The following CDH23 variants were observed in gnomAD, a reference collection of about 807,000 sequenced individuals.
CDH23 encodes cadherin related 23, also known as cadherin-23.
A neutral mutation model predicts 317.1 loss-of-function variants in CDH23; 189 were observed. That is an observed-to-expected ratio of 0.60 (90% CI 0.53 to 0.67). The LOEUF (loss-of-function observed/expected upper bound fraction) is 0.67, where lower values mean the gene tolerates loss of function less well. CDH23 is among the 30% of genes least tolerant of loss of function. The probability of loss-of-function intolerance (pLI) is 0.00; values close to 1 mark genes in which losing one functional copy is unlikely to be tolerated. For missense variants in CDH23, 4,401 were observed against 4,592.4 expected (o/e 0.96, Z 1.20); for synonymous variants, 1,839 against 1,876.8 (o/e 0.98, Z 0.52).
chr10:71,427,195 G>GAGAAAGAAAAAA (rs1554823331), intron 1 of CDH23, among the ~76,000 whole-genome samples: 1 of 98,948 alleles, frequency 1.0e-5, no homozygotes, highest in African/African-American at 4.0e-5. Context: ...AGGAAGGAAA[G>GAGAAAGAAAAAA]AGAAAGAAAG....
chr10:71,804,772 C>A (rs1401312695), intron 55 of CDH23, among the ~76,000 whole-genome samples: 1 of 152,140 alleles, frequency 6.6e-6, no homozygotes, highest in Non-Finnish European at 1.5e-5. Context: ...ATCTTCCTGA[C>A]CAATTTTTTT....
Position 71,751,152 on chromosome 10 carries a change from G to C in CDH23, c.4845+9231G>C. On this transcript the variant is annotated intron_variant, in intron 38 of 69. Coordinates refer to ENST00000224721, the MANE Select transcript of CDH23 (RefSeq NM_022124.6). The surrounding 1 kb of genome is among the most constrained non-coding windows in gnomAD (Gnocchi z 4.9). ...ATCTGAGCCCAGAGCAGGAGGGAGGGAACCAGGGCCGAGGCCAAGGAGGCC... is the reference window on the plus strand; with the variant it reads ...ATCTGAGCCCAGAGCAGGAGGGAGGCAACCAGGGCCGAGGCCAAGGAGGCC... 1 of 1,379,178 alleles carries C rather than the reference G, an allele frequency of 7.3e-7. No individual in the cohort carries two copies. The highest frequency in any genetic ancestry group is 2.0e-4 in the Middle Eastern group (1 of 5,082). The allele number at this position is 1,379,178 out of a possible 1,614,324, so 85.4% of individuals were successfully genotyped here.
chr10:71,694,099 C>A, intron 20 of CDH23, 48 bp from the exon 21 acceptor site: 2 of 1,409,746 alleles, frequency 1.4e-6, no homozygotes, highest in Non-Finnish European at 2.0e-6. Context: ...CTCCCTCTCT[C>A]CCTGGCCCAC....
chr10:71,411,478 TA>T (rs1323054108), intron 1 of CDH23, among the ~76,000 whole-genome samples: 2 of 152,158 alleles, frequency 1.3e-5, no homozygotes, highest in Non-Finnish European at 2.9e-5. Context: ...CAACCATTGT[TA>T]AATTTACTTA....
At chr10:71,650,302 C>A (rs189935425) in intron 14 of CDH23, among the ~76,000 whole-genome samples, 1 of 152,340 alleles carries the variant, frequency 6.6e-6, no homozygotes, top group East Asian at 1.9e-4. Flanking sequence ...AATACCAAGG[C>A]AGCCCAGAGC....
chr10:71,669,632 G>C (rs1267981203), intron 14 of CDH23, among the ~76,000 whole-genome samples: 2 of 152,098 alleles, frequency 1.3e-5, no homozygotes, highest in Non-Finnish European at 2.9e-5. Context: ...ATTTTTAATA[G>C]AGACTGGGTT....
At position 71,705,043 on chromosome 10, in the gene CDH23, G is replaced by C; in HGVS notation, c.2866G>C (p.Glu956Gln). 6.2e-7 allele frequency: 1 copy of C among 1,612,676 alleles called. No individual in the cohort carries two copies. Among genetic ancestry groups the C allele is most frequent in the South Asian group, 1.1e-5 (1 of 91,070 alleles). ...VVVTTTELDR[E>Q]RIAEYQLRVV... The stretch of plus-strand genomic sequence containing the variant: ...GGTCACCACCACCGAGCTGGACCGC[G>C]AGCGCATCGCGGAGTACCAGCTGCG... Residue 956 changes from glutamate to glutamine, a missense_variant, in exon 25 of 70, where the codon GAG becomes CAG. By Grantham distance (29) the Glu-to-Gln change is conservative. This residue lies in a region of CDH23 where 3,068 missense variants were observed against 3,203.3 expected (regional missense o/e 0.96). Transcript: ENST00000224721.
chr10:71,778,718 C>T (rs1840876700), intron 40 of CDH23, among the ~76,000 whole-genome samples: 1 of 152,190 alleles, frequency 6.6e-6, no homozygotes, highest in East Asian at 1.9e-4. Context: ...CCACGTAAGA[C>T]AACCACAGTG....
chr10:71,456,995 C>T lies in CDH23; in HGVS notation c.145+10600C>T, dbSNP rs577839504. Among the ~76,000 whole-genome samples, 13 of 152,252 alleles carry T rather than the reference C, an allele frequency of 8.5e-5. No individual in the cohort carries two copies. The South Asian group carries it at 2.7e-3, about 32-fold the overall frequency. Reference sequence around the variant, plus strand: ...CTCCAGTCTGGAGTGGAGAAGAGAACCAATGGTAAATGACCACCTCACACC... The same window carrying T: ...CTCCAGTCTGGAGTGGAGAAGAGAATCAATGGTAAATGACCACCTCACACC... On this transcript the variant is annotated intron_variant, in intron 3 of 69. Coordinates refer to ENST00000224721, the MANE Select transcript of CDH23 (RefSeq NM_022124.6).
chr10:71,638,342 C>T (rs749354260), intron 11 of CDH23, among the ~76,000 whole-genome samples: 6 of 152,202 alleles, frequency 3.9e-5, no homozygotes, highest in Non-Finnish European at 8.8e-5. Flanking sequence ...CCCGGAGAGG[C>T]AAGCTGGTGT....
chr10:71,527,658 G>C (rs532049576), intron 6 of CDH23, among the ~76,000 whole-genome samples: 10 of 152,296 alleles, frequency 6.6e-5, no homozygotes, highest in Non-Finnish European at 1.0e-4. Flanking sequence ...ATATAGCAGA[G>C]AAGCAAGACC....
intron 9 of CDH23, among the ~76,000 whole-genome samples, chr10:71,580,465 T>C (rs767001621): frequency 8.5e-5 from 13 of 152,212 alleles, no homozygotes; most frequent in Non-Finnish European, 1.5e-4. Flanking sequence ...CCAGCACAGA[T>C]GTGTCTTAAG....
At chr10:71,565,570 G>A (rs951563458) in intron 6 of CDH23, among the ~76,000 whole-genome samples, 15 of 152,048 alleles carry the variant, frequency 9.9e-5, no homozygotes, top group African/African-American at 3.4e-4. Flanking sequence ...TGCCCTGGAT[G>A]GTACTGTTAA....
intron 29 of CDH23, 45 bp downstream of exon 29, chr10:71,724,150 G>T (rs979732919): frequency 1.7e-5 from 27 of 1,543,522 alleles, no homozygotes; most frequent in Non-Finnish European, 2.4e-5. Flanking sequence ...TCCTGCCCAG[G>T]GGAGGGCAGA....
chr10:71,788,193 G>A (rs1308196109), intron 44 of CDH23, among the ~76,000 whole-genome samples: 1 of 152,110 alleles, frequency 6.6e-6, no homozygotes, highest in Non-Finnish European at 1.5e-5. Context: ...GATTACAGGT[G>A]TAAGCCATCA....
At chr10:71,479,797 T>G (rs923052985) in intron 3 of CDH23, among the ~76,000 whole-genome samples, 2 of 151,862 alleles carry the variant, frequency 1.3e-5, no homozygotes, top group African/African-American at 4.8e-5. Flanking sequence ...CATACACTCC[T>G]GTGGGAGCAG....
At chr10:71,707,358 C>T (rs1220880298) in intron 26 of CDH23, 1 of 1,386,706 alleles carries the variant, frequency 7.2e-7, no homozygotes, top group African/African-American at 1.4e-5. Context: ...AGGGAGGAGC[C>T]CTGAGCCCCA....
At chr10:71,682,647 T>G in intron 18 of CDH23, 75 bp downstream of exon 18, 4 of 1,541,896 alleles carry the variant, frequency 2.6e-6, no homozygotes, top group Non-Finnish European at 3.5e-6. Flanking sequence ...CCCAGTACTG[T>G]AGGACTGTGG....
chr10:71,418,118 C>T (rs1564567374), intron 1 of CDH23, among the ~76,000 whole-genome samples: 1 of 152,084 alleles, frequency 6.6e-6, no homozygotes, highest in South Asian at 2.1e-4. Context: ...ATATTAATCA[C>T]TATAATTTTT....
Sources: allele counts gnomAD v4.1 joint callset (sites outside exome capture counted in the v4.1 genomes callset), GRCh38; gene constraint gnomAD v4.1.1; regional missense constraint gnomAD v4.1.1; non-coding constraint Gnocchi (gnomAD v3.1); transcripts MANE v1.5; gene names NCBI Gene and HGNC (gene_info 2026-07-23, HGNC 2026-07-21).